The following FBXW7 variants were observed in gnomAD, a reference collection of about 807,000 sequenced individuals.
The protein encoded by FBXW7 is F-box and WD repeat domain containing 7, also known as F-box/WD repeat-containing protein 7.
FBXW7 carries 11 observed loss-of-function variants against 86.3 expected under a neutral mutation model. That is an observed-to-expected ratio of 0.13 (90% CI 0.08 to 0.21). FBXW7 has a LOEUF of 0.21. FBXW7 is among the 10% of genes least tolerant of loss of function. The probability of loss-of-function intolerance (pLI) is 1.00; values close to 1 mark genes in which losing one functional copy is unlikely to be tolerated. For missense variants in FBXW7, 488 were observed against 847.4 expected, an observed-to-expected ratio of 0.58 and a Z score of 5.27; for synonymous variants, 313 against 297.9, an observed-to-expected ratio of 1.05 and a Z score of -0.52.
At chr4:152,405,114 A>AG (rs1737291655) in intron 4 of FBXW7, among the ~76,000 whole-genome samples, 1 of 151,086 alleles carries the variant, frequency 6.6e-6, no homozygotes, top group African/African-American at 2.4e-5. Context: ...AAAAAAAAAA[A>AG]AAAAGAGGTG....
chr4:152,351,431 GT>G (rs1731804553), intron 4 of FBXW7, among the ~76,000 whole-genome samples: 1 of 151,962 alleles, frequency 6.6e-6, no homozygotes, highest in Admixed American at 6.6e-5. Flanking sequence ...GATCTGGCTG[GT>G]TTCTTCCCTT....
chr4:152,389,589 A>G (rs1376620635), intron 4 of FBXW7, among the ~76,000 whole-genome samples: 1 of 152,084 alleles, frequency 6.6e-6, no homozygotes, highest in Non-Finnish European at 1.5e-5. Context: ...GTAGTAATAG[A>G]TATTAAGAGA....
intron 4 of FBXW7, among the ~76,000 whole-genome samples, chr4:152,369,900 A>C (rs1357944991): frequency 6.6e-6 from 1 of 152,020 alleles, no homozygotes; most frequent in Admixed American, 6.6e-5. Context: ...GATTTTGTAT[A>C]ACACATGTAA....
chr4:152,345,165 C>T (rs1303518091), intron 6 of FBXW7, among the ~76,000 whole-genome samples: 1 of 151,836 alleles, frequency 6.6e-6, no homozygotes, highest in Non-Finnish European at 1.5e-5. Flanking sequence ...TTTATTTTCG[C>T]CTCTTATTGA....
chr4:152,434,875 C>G (rs1241403796), intron 2 of FBXW7, among the ~76,000 whole-genome samples: 2 of 151,740 alleles, frequency 1.3e-5, no homozygotes, highest in African/African-American at 4.8e-5. Flanking sequence ...TAGATTTTAT[C>G]CTACAGAACA....
intron 2 of FBXW7, among the ~76,000 whole-genome samples, chr4:152,483,952 T>C (rs993960632): frequency 2.6e-5 from 4 of 152,152 alleles, no homozygotes; most frequent in Non-Finnish European, 5.9e-5. Flanking sequence ...CAACATATAT[T>C]TGACAATCAG....
chr4:152,336,289 G>A (rs1730094607), intron 7 of FBXW7, among the ~76,000 whole-genome samples: 1 of 151,780 alleles, frequency 6.6e-6, no homozygotes, highest in Admixed American at 6.6e-5. Flanking sequence ...GATTTACCCT[G>A]GTTATTGATT....
chr4:152,369,583 A>G (rs936093032), intron 4 of FBXW7, among the ~76,000 whole-genome samples: 4 of 152,076 alleles, frequency 2.6e-5, no homozygotes, highest in Non-Finnish European at 5.9e-5. Flanking sequence ...AATAACCTTA[A>G]CCATTTTGAC....
At chr4:152,404,953 C>T (rs751155117) in intron 4 of FBXW7, among the ~76,000 whole-genome samples, 6 of 151,760 alleles carry the variant, frequency 4.0e-5, no homozygotes, top group Non-Finnish European at 7.4e-5. Flanking sequence ...ATTAGCCAAG[C>T]GTGGTGGTGC....
chr4:152,379,184 A>AAT (rs1734829167), intron 4 of FBXW7, among the ~76,000 whole-genome samples: 2 of 152,126 alleles, frequency 1.3e-5, no homozygotes, highest in African/African-American at 4.8e-5. Flanking sequence ...GGATTTAAGA[A>AAT]ATATAACATT....
At chr4:152,440,778 C>T (rs1256957218) in intron 2 of FBXW7, among the ~76,000 whole-genome samples, 1 of 152,108 alleles carries the variant, frequency 6.6e-6, no homozygotes, top group African/African-American at 2.4e-5. Flanking sequence ...TTCCCCATCC[C>T]ACTCCCTGCT....
intron 2 of FBXW7, among the ~76,000 whole-genome samples, chr4:152,465,711 G>A (rs1417262565): frequency 6.6e-6 from 1 of 151,976 alleles, no homozygotes; most frequent in Non-Finnish European, 1.5e-5. Context: ...GGGCATGATG[G>A]CATGCGCCTA....
At chr4:152,473,209 T>C (rs1353307199) in intron 2 of FBXW7, among the ~76,000 whole-genome samples, 3 of 152,150 alleles carry the variant, frequency 2.0e-5, no homozygotes, top group Non-Finnish European at 4.4e-5. Flanking sequence ...TGCACTGCAC[T>C]CCAGGCTGGG....
rs1039136458 is a variant in FBXW7, at chr4:152,322,349, CATG to C, written c.*529_*531del. 12 of 210,020 alleles carry C rather than the reference CATG, an allele frequency of 5.7e-5. No homozygotes were observed. The highest frequency in any genetic ancestry group is 1.4e-3 in the Middle Eastern group (1 of 698). The allele number at this position is 210,020 out of a possible 1,614,324, so 13.0% of individuals were successfully genotyped here. On this transcript the variant is annotated 3_prime_UTR_variant, in exon 14 of 14. Transcript: ENST00000281708. ...CAAAAAAAAAAAAAAAAAAGCTTTT[CATG>C]ATAACTGTACAAAAACAATTCACAG... is the stretch of plus-strand genomic sequence containing the variant.
At chr4:152,500,975 T>C (rs1746890173) in intron 2 of FBXW7, among the ~76,000 whole-genome samples, 1 of 152,214 alleles carries the variant, frequency 6.6e-6, no homozygotes, top group Admixed American at 6.5e-5. Flanking sequence ...ATTATGGTAC[T>C]CAAATTTAAG....
At chr4:152,437,638 A>T (rs1163052527) in intron 2 of FBXW7, among the ~76,000 whole-genome samples, 1 of 152,234 alleles carries the variant, frequency 6.6e-6, no homozygotes, top group Non-Finnish European at 1.5e-5. Flanking sequence ...GTTTTGAAAG[A>T]AGTTCTACTC....
At chr4:152,325,816 T>C (rs1475796716) in intron 12 of FBXW7, 190 bp downstream of exon 12, 2 of 524,972 alleles carry the variant, frequency 3.8e-6, no homozygotes, top group South Asian at 3.2e-5. Context: ...TCACAGAAAA[T>C]TGAAAGCATT....
At chr4:152,439,339 C>T (rs1177719709) in intron 2 of FBXW7, among the ~76,000 whole-genome samples, 1 of 151,960 alleles carries the variant, frequency 6.6e-6, no homozygotes, top group Non-Finnish European at 1.5e-5. Context: ...TTCTCGAGGA[C>T]CTACATTTCA....
chr4:152,330,938 C>T (rs1393194319), intron 8 of FBXW7, 70 bp from the exon 9 acceptor site: 1 of 1,445,582 alleles, frequency 6.9e-7, no homozygotes, highest in Non-Finnish European at 9.4e-7. Context: ...ATAAAGTATT[C>T]CATCTTTATA....
Sources: gnomAD v4.1 joint callset for allele counts (sites outside exome capture counted in the v4.1 genomes callset) on GRCh38, gnomAD v4.1.1 for gene constraint, MANE v1.5 for transcripts, NCBI Gene and HGNC (gene_info 2026-07-23, HGNC 2026-07-21) for gene names.